Variants in NELL2 observed in about 807,000 individuals in gnomAD.
NELL2 encodes protein kinase C-binding protein NELL2.
A neutral mutation model predicts 109.6 loss-of-function variants in NELL2; 41 were observed. That is an observed-to-expected ratio of 0.37 (90% CI 0.29 to 0.49). The LOEUF is 0.49. Among genes scored for constraint, NELL2 ranks in the 20% least tolerant of loss-of-function variants. The probability of loss-of-function intolerance (pLI) is 0.98; values close to 1 mark genes in which losing one functional copy is unlikely to be tolerated. For missense variants in NELL2, 900 were observed against 1,008.3 expected, an observed-to-expected ratio of 0.89 and a Z score of 1.45; for synonymous variants, 355 against 344.7, an observed-to-expected ratio of 1.03 and a Z score of -0.33.
intron 15 of NELL2, among the ~76,000 whole-genome samples, chr12:44,564,813 A>C (rs1943593643): frequency 6.6e-6 from 1 of 152,208 alleles, no homozygotes; most frequent in Non-Finnish European, 1.5e-5. Context: ...ACACTACACG[A>C]AGACAGCCTG....
At position 44,523,271 on chromosome 12, in the gene NELL2, A is replaced by G; in HGVS notation, c.1998+20T>C. On this transcript the variant is annotated intron_variant, in intron 17 of 19. Coordinates refer to ENST00000429094, the MANE Select transcript of NELL2 (RefSeq NM_001145108.2). ...ATTACAACTGAATAAAATTAATTAA[A>G]GTTTTTCATTTATACCAACCTGACA... is the stretch of plus-strand genomic sequence containing the variant. 4.3e-6 allele frequency: 7 copies of G among 1,613,288 alleles called. No individual in the cohort carries two copies. Among genetic ancestry groups the G allele is most frequent in the Non-Finnish European group, 5.9e-6 (7 of 1,179,416 alleles).
intron 9 of NELL2, among the ~76,000 whole-genome samples, chr12:44,743,382 A>C (rs1451430917): frequency 2.0e-5 from 3 of 152,242 alleles, no homozygotes; most frequent in Non-Finnish European, 4.4e-5. Flanking sequence ...GCTAGGAAGA[A>C]ACTGCATCAA....
At chr12:44,586,063 C>T (rs1944484112) in intron 15 of NELL2, among the ~76,000 whole-genome samples, 1 of 151,714 alleles carries the variant, frequency 6.6e-6, no homozygotes, top group African/African-American at 2.4e-5. Context: ...CTACTTACTA[C>T]AAGATGGAGG....
At chr12:44,658,383 C>G (rs1947590352) in intron 13 of NELL2, among the ~76,000 whole-genome samples, 1 of 152,076 alleles carries the variant, frequency 6.6e-6, no homozygotes, top group Admixed American at 6.6e-5. Context: ...ATACAACTTA[C>G]AAGGGATGTG....
rs1411357135 is a variant in NELL2, at chr12:44,523,239, T to G, written c.1998+52A>C. Reference sequence around the variant, plus strand: ...TCAAGCCATATACACACTTAAAACATATGCAAATTACAACTGAATAAAATT... The same window carrying G: ...TCAAGCCATATACACACTTAAAACAGATGCAAATTACAACTGAATAAAATT... On this transcript the variant is annotated intron_variant, in intron 17 of 19. Coordinates refer to ENST00000429094, the MANE Select transcript of NELL2 (RefSeq NM_001145108.2). The G allele has an allele frequency of 5.7e-6, 9 of 1,582,718 alleles. No homozygotes were observed. In the Admixed American group the frequency reaches 1.5e-4, roughly 26 times the overall value.
chr12:44,785,318 T>C (rs1350182562), intron 3 of NELL2, among the ~76,000 whole-genome samples: 1 of 152,042 alleles, frequency 6.6e-6, no homozygotes, highest in Non-Finnish European at 1.5e-5. Flanking sequence ...GGAATACAAC[T>C]TACAAGGGAT....
At chr12:44,636,798 A>C (rs1484120149) in intron 13 of NELL2, among the ~76,000 whole-genome samples, 2 of 152,134 alleles carry the variant, frequency 1.3e-5, no homozygotes, top group Non-Finnish European at 2.9e-5. Context: ...CTGGCCTCAT[A>C]AAATGAGTTA....
intron 13 of NELL2, among the ~76,000 whole-genome samples, chr12:44,637,941 A>G (rs1410134373): frequency 6.6e-6 from 1 of 152,054 alleles, no homozygotes; most frequent in African/African-American, 2.4e-5. Flanking sequence ...ACATTGGTCC[A>G]ACCTGTTTCA....
chr12:44,727,898 T>C (rs1202968629), intron 9 of NELL2, among the ~76,000 whole-genome samples: 1 of 152,086 alleles, frequency 6.6e-6, no homozygotes, highest in African/African-American at 2.4e-5. Context: ...TGGAATTAAC[T>C]AAGAAGCAAA....
Position 44,774,567 on chromosome 12 carries a change from G to A in NELL2, c.994+180C>T, listed in dbSNP as rs555137076. ...AAAAAATTGTCCTACTGGAATAGGG[G>A]CATAGCATTTTAAAATGGAAAAGAA... On this transcript the variant is annotated intron_variant, in intron 9 of 19. Coordinates refer to ENST00000429094, the MANE Select transcript of NELL2 (RefSeq NM_001145108.2). The A allele has an allele frequency of 5.8e-5, 34 of 590,384 alleles. 1 individual carries two copies. The South Asian group carries it at 6.9e-4, about 12-fold the overall frequency. 36.6% of individuals were successfully genotyped at this position (590,384 alleles called of 1,614,324 possible).
chr12:44,644,608 G>GTATATATATA (rs1180129986), intron 13 of NELL2, among the ~76,000 whole-genome samples: 68 of 90,812 alleles, frequency 7.5e-4, no homozygotes, highest in East Asian at 2.9e-3. Flanking sequence ...ATATATGTAT[G>GTATATATATA]TATATATATA....
chr12:44,895,564 G>A (rs939528543), intron 1 of NELL2, among the ~76,000 whole-genome samples: 1 of 152,152 alleles, frequency 6.6e-6, no homozygotes, highest in Non-Finnish European at 1.5e-5. Flanking sequence ...ACCATCTCAT[G>A]TAGCTGAATT....
chr12:44,786,796 T>C (rs1196989599), intron 3 of NELL2, among the ~76,000 whole-genome samples: 1 of 152,146 alleles, frequency 6.6e-6, no homozygotes, highest in African/African-American at 2.4e-5. Context: ...AAACACTGCA[T>C]TGTCTCACTC....
At chr12:44,646,342 G>A (rs2136309132) in intron 13 of NELL2, among the ~76,000 whole-genome samples, 1 of 152,280 alleles carries the variant, frequency 6.6e-6, no homozygotes, top group East Asian at 1.9e-4. Flanking sequence ...GCTCTAGAGT[G>A]ATCTTGTAGA....
intron 13 of NELL2, among the ~76,000 whole-genome samples, chr12:44,631,306 C>A (rs1435235311): frequency 1.3e-5 from 2 of 150,198 alleles, no homozygotes; most frequent in Non-Finnish European, 3.0e-5. Context: ...AGCAGAGTTC[C>A]ACATGTTATG....
chr12:44,610,999 CAA>C (rs1945600119), intron 13 of NELL2, 29 bp from the exon 14 acceptor site: 1 of 1,606,660 alleles, frequency 6.2e-7, no homozygotes, highest in Non-Finnish European at 8.5e-7. Context: ...TTTTGTTACT[CAA>C]AGTTATATTT....
In NELL2 at chr12:44,672,571, A is replaced by C. The variant is rs533896142; in HGVS notation, c.1319-6962T>G. ...CTACCCCAGCAGAAGTAGCTATCAA[A>C]CTTTGTTAATTGAACTCATAAGTAT... On this transcript the variant is annotated intron_variant, in intron 12 of 19. Coordinates refer to ENST00000429094, the MANE Select transcript of NELL2 (RefSeq NM_001145108.2). 5.6e-4 allele frequency among the ~76,000 whole-genome samples: 86 copies of C among 152,322 alleles called. 2 individuals are homozygous for C. In the South Asian group the frequency reaches 0.017, roughly 31 times the overall value.
chr12:44,901,482 T>C (rs1052365643), intron 1 of NELL2, among the ~76,000 whole-genome samples: 1 of 152,180 alleles, frequency 6.6e-6, no homozygotes, highest in Admixed American at 6.5e-5. Context: ...AAAAAGGAGC[T>C]GGTACCATTC....
At chr12:44,680,803 C>A (rs960228823) in intron 12 of NELL2, among the ~76,000 whole-genome samples, 1 of 152,126 alleles carries the variant, frequency 6.6e-6, no homozygotes, top group East Asian at 1.9e-4. Flanking sequence ...CTGCTTCCCC[C>A]AAATCGCAGT....
Sources: gnomAD v4.1 joint callset for allele counts (sites outside exome capture counted in the v4.1 genomes callset) on GRCh38, gnomAD v4.1.1 for gene constraint, MANE v1.5 for transcripts, NCBI Gene and HGNC (gene_info 2026-07-23, HGNC 2026-07-21) for gene names.